GPC5: variants seen among roughly 807,000 people sequenced by gnomAD.
GPC5 encodes glypican 5, also known as glypican-5.
In GPC5, 47 loss-of-function variants were observed where a neutral mutation model predicts 53.9. That is an observed-to-expected ratio of 0.87 (90% confidence interval 0.69 to 1.11). The LOEUF is 1.11. GPC5 is among the 50% of genes most tolerant of loss of function. The pLI, the probability that GPC5 is intolerant of heterozygous loss-of-function variation, is 0.00. For synonymous variants in GPC5, 286 were observed against 263.3 expected, an observed-to-expected ratio of 1.09 and a Z score of -0.84; for missense variants, 748 against 713.1, an observed-to-expected ratio of 1.05 and a Z score of -0.56.
intron 5 of GPC5, among the ~76,000 whole-genome samples, chr13:91,767,132 T>C (rs559671152): frequency 6.6e-6 from 1 of 152,322 alleles, no homozygotes; most frequent in South Asian, 2.1e-4. Context: ...CTGAGTTTAG[T>C]GGCCTCTAGT....
intron 4 of GPC5, among the ~76,000 whole-genome samples, chr13:91,751,694 C>A (rs1437401184): frequency 6.6e-6 from 1 of 152,188 alleles, no homozygotes; most frequent in East Asian, 1.9e-4. Flanking sequence ...TAGATAGACT[C>A]TCCAGAAACA....
At chr13:92,475,178 G>A (rs545142338) in intron 7 of GPC5, among the ~76,000 whole-genome samples, 47 of 151,716 alleles carry the variant, frequency 3.1e-4, no homozygotes, top group Middle Eastern at 3.4e-3. Context: ...TTGACTTGGC[G>A]ATGCGGGCTC....
intron 5 of GPC5, among the ~76,000 whole-genome samples, chr13:91,836,996 GA>G (rs2038728847): frequency 6.7e-6 from 1 of 150,132 alleles, no homozygotes; most frequent in Admixed American, 6.6e-5. Context: ...AGAGGTTTTT[GA>G]AAATACTTAT....
intron 6 of GPC5, among the ~76,000 whole-genome samples, chr13:91,936,729 G>A (rs2039874765): frequency 1.6e-5 from 2 of 128,360 alleles, no homozygotes; most frequent in Admixed American, 1.6e-4. Flanking sequence ...ATTGGCTCAG[G>A]TTTCTAAGAA....
At chr13:91,746,214 C>T (rs906833443) in intron 4 of GPC5, among the ~76,000 whole-genome samples, 1 of 152,140 alleles carries the variant, frequency 6.6e-6, no homozygotes, top group African/African-American at 2.4e-5. Context: ...TTAACCTTCA[C>T]GTTGCCTCAG....
intron 5 of GPC5, among the ~76,000 whole-genome samples, chr13:91,762,022 T>C (rs1357408782): frequency 1.3e-5 from 2 of 152,180 alleles, no homozygotes; most frequent in Non-Finnish European, 2.9e-5. Context: ...GAAGACCAAA[T>C]ATATATTTTG....
intron 7 of GPC5, among the ~76,000 whole-genome samples, chr13:92,261,308 C>A (rs1035505015): frequency 2.0e-5 from 3 of 152,076 alleles, no homozygotes; most frequent in Non-Finnish European, 4.4e-5. Context: ...ATCTTACAAT[C>A]CTTCTATTCA....
At chr13:91,572,141 G>A (rs1445361054) in intron 2 of GPC5, among the ~76,000 whole-genome samples, 1 of 135,646 alleles carries the variant, frequency 7.4e-6, no homozygotes, top group Non-Finnish European at 1.5e-5. Context: ...ATACACATAT[G>A]TATATATACG....
At chr13:92,504,116 T>C (rs2138938847) in intron 7 of GPC5, among the ~76,000 whole-genome samples, 1 of 152,104 alleles carries the variant, frequency 6.6e-6, no homozygotes, top group African/African-American at 2.4e-5. Flanking sequence ...ATATTCTATA[T>C]AGAAAACTGA....
intron 6 of GPC5, among the ~76,000 whole-genome samples, chr13:92,001,695 G>A (rs72633773): frequency 0.041 from 6,269 of 151,972 alleles, 371 homozygotes; most frequent in African/African-American, 0.13. Flanking sequence ...AAGTTAAATC[G>A]TATTCCATTA....
intron 7 of GPC5, among the ~76,000 whole-genome samples, chr13:92,701,926 C>T (rs1047200295): frequency 6.6e-6 from 1 of 152,142 alleles, no homozygotes; most frequent in East Asian, 1.9e-4. Context: ...AAAGGCCTCA[C>T]ATGCATTTTA....
chr13:92,488,192 A>G (rs1450409647), intron 7 of GPC5, among the ~76,000 whole-genome samples: 2 of 152,090 alleles, frequency 1.3e-5, no homozygotes, highest in African/African-American at 2.4e-5. Context: ...AACTCAATGA[A>G]AACCCATTTT....
intron 7 of GPC5, among the ~76,000 whole-genome samples, chr13:92,746,683 A>C (rs1889248709): frequency 6.6e-6 from 1 of 152,276 alleles, no homozygotes; most frequent in Admixed American, 6.5e-5. Flanking sequence ...TAGATTTCGT[A>C]GATTTTTAAG....
chr13:91,990,002 T>G (rs1421178223), intron 6 of GPC5, among the ~76,000 whole-genome samples: 3 of 152,200 alleles, frequency 2.0e-5, no homozygotes, highest in Non-Finnish European at 1.5e-5. Flanking sequence ...TGATTCATAT[T>G]CATAACTATA....
intron 5 of GPC5, among the ~76,000 whole-genome samples, chr13:91,767,909 A>G (rs1002639535): frequency 1.3e-5 from 2 of 152,182 alleles, no homozygotes; most frequent in African/African-American, 2.4e-5. Flanking sequence ...TGTAATTGCA[A>G]AACAGCAGCA....
chr13:91,634,002 T>C (rs16946323), intron 2 of GPC5, among the ~76,000 whole-genome samples: 3,728 of 152,194 alleles, frequency 0.024, 144 homozygotes, highest in African/African-American at 0.084. Context: ...TTATGAATAA[T>C]AAAGCACACA....
At chr13:92,100,864 T>C (rs2041460812) in intron 6 of GPC5, among the ~76,000 whole-genome samples, 1 of 152,218 alleles carries the variant, frequency 6.6e-6, no homozygotes, top group Non-Finnish European at 1.5e-5. Flanking sequence ...TCTTTATTAC[T>C]ATGTCATGCT....
At chr13:92,513,476 T>TA (rs1880652307) in intron 7 of GPC5, among the ~76,000 whole-genome samples, 1 of 97,810 alleles carries the variant, frequency 1.0e-5, no homozygotes, top group Non-Finnish European at 2.3e-5. Context: ...TTTCTGTTTT[T>TA]TTTTTTTAAT....
At chr13:91,460,315 G>T (rs1253560171) in intron 2 of GPC5, among the ~76,000 whole-genome samples, 1 of 150,432 alleles carries the variant, frequency 6.6e-6, no homozygotes, top group Admixed American at 6.6e-5. Flanking sequence ...TTTTTTGGTG[G>T]GGGGACAGAG....
Sources: allele counts gnomAD v4.1 joint callset (sites outside exome capture counted in the v4.1 genomes callset), GRCh38; gene constraint gnomAD v4.1.1; transcripts MANE v1.5; gene names NCBI Gene and HGNC (gene_info 2026-07-23, HGNC 2026-07-21).